Variants in FBLN1 observed in about 807,000 individuals in gnomAD.
The protein encoded by FBLN1 is fibulin 1, also known as fibulin-1.
FBLN1 carries 34 observed loss-of-function variants against 89.7 expected under a neutral mutation model. The observed-to-expected ratio is 0.38, with a 90% confidence interval of 0.29 to 0.50. The LOEUF (loss-of-function observed/expected upper bound fraction) is 0.50. Ranked by LOEUF, FBLN1 falls within the 20% of genes least tolerant of loss-of-function variation. FBLN1 has a pLI of 0.92. For missense variants in FBLN1, 777 were observed against 988.1 expected, an observed-to-expected ratio of 0.79 and a Z score of 2.86; for synonymous variants, 393 against 391.3, an observed-to-expected ratio of 1.00 and a Z score of -0.05.
intron 16 of FBLN1, among the ~76,000 whole-genome samples, chr22:45,595,486 C>T (rs1277551142): frequency 6.6e-6 from 1 of 152,204 alleles, no homozygotes; most frequent in Admixed American, 6.5e-5. Context: ...CTCCCTTCCC[C>T]TTCACAGCAC....
chr22:45,544,421 C>T (rs764216493), intron 11 of FBLN1, among the ~76,000 whole-genome samples: 12 of 152,204 alleles, frequency 7.9e-5, no homozygotes, highest in Non-Finnish European at 1.3e-4. Flanking sequence ...AGGCTTTCCC[C>T]ACCCGCAGAG....
chr22:45,525,768 G>A lies in FBLN1; in HGVS notation c.321+90G>A, dbSNP rs150306228. The A allele has an allele frequency of 1.2e-3, 1,787 of 1,504,998 alleles. 1 individual carries two copies. The highest frequency in any genetic ancestry group is 1.3e-3 in the Non-Finnish European group (1,484 of 1,106,208). 93.2% of individuals were successfully genotyped at this position (1,504,998 alleles called of 1,614,324 possible). The stretch of plus-strand genomic sequence containing the variant: ...CAGCCAAGCGGCACTGTCTGTCAGC[G>A]CTCCCTGCCTCAGGCCACCTTTCTT... On this transcript the variant is annotated intron_variant, in intron 3 of 16. Transcript: ENST00000327858.
rs73886421 is a variant in FBLN1 at position 45,579,671 on chromosome 22, G to A, written c.1972+2563G>A. Reference sequence around the variant, plus strand: ...TGACCTGGTGCCCATGTCATCTCAGGTGGAAGACTGAGACCAGGGAGGCAA... The same window carrying A: ...TGACCTGGTGCCCATGTCATCTCAGATGGAAGACTGAGACCAGGGAGGCAA... On this transcript the variant is annotated intron_variant, in intron 16 of 16. Transcript: ENST00000327858. The surrounding 1 kb of genome is among the most constrained non-coding windows in gnomAD (Gnocchi z 5.5). 0.011 allele frequency among the ~76,000 whole-genome samples: 1,648 copies of A among 152,296 alleles called. 32 individuals are homozygous for A. Among genetic ancestry groups the A allele is most frequent in the African/African-American group, 0.038 (1,566 of 41,548 alleles).
At chr22:45,573,553 C>T (rs1008382490) in intron 14 of FBLN1, among the ~76,000 whole-genome samples, 2 of 149,118 alleles carry the variant, frequency 1.3e-5, no homozygotes, top group African/African-American at 5.0e-5. Flanking sequence ...TGGTGGCATG[C>T]GCCTGTAATC....
chr22:45,599,087 T>C (rs4823307), intron 16 of FBLN1, among the ~76,000 whole-genome samples: 107,011 of 152,136 alleles, frequency 0.7, 38,526 homozygotes, highest in African/African-American at 0.85. Context: ...CCTTACCCGC[T>C]AACCCGGATC....
rs572372877 is a variant in FBLN1 at position 45,528,708 on chromosome 22, A to T, written c.484+699A>T. Among the ~76,000 whole-genome samples the T allele has an allele frequency of 1.2e-4, 18 of 151,962 alleles. No homozygotes were observed. In the South Asian group the frequency reaches 3.7e-3, roughly 32 times the overall value. On this transcript the variant is annotated intron_variant, in intron 4 of 16. Coordinates refer to ENST00000327858, the MANE Select transcript of FBLN1 (RefSeq NM_006486.3). The stretch of plus-strand genomic sequence containing the variant: ...AGGCTAGTGTTTGACTAAATATTTG[A>T]GTACCATACCCCAGCCCAATTGACA...
chr22:45,529,187 C>G (rs1884037151), intron 4 of FBLN1, among the ~76,000 whole-genome samples: 2 of 152,228 alleles, frequency 1.3e-5, no homozygotes, highest in South Asian at 4.1e-4. Context: ...CTTCCACCTC[C>G]TGGCCAGTGC....
Position 45,561,133 on chromosome 22 carries a change from A to T in FBLN1, c.1697+10518A>T, listed in dbSNP as rs1325993295. On this transcript the variant is annotated intron_variant, in intron 14 of 16. Coordinates refer to ENST00000327858, the MANE Select transcript of FBLN1 (RefSeq NM_006486.3). The surrounding 1 kb of genome is among the most constrained non-coding windows in gnomAD (Gnocchi z 4.7). ...AAGTTGCAGGGTCCCATTCTTTTTCAATCAATGCCCTCACTTTAACAGCAG... is the reference window on the plus strand; with the variant it reads ...AAGTTGCAGGGTCCCATTCTTTTTCTATCAATGCCCTCACTTTAACAGCAG... Among the ~76,000 whole-genome samples, 2 of 152,142 alleles carry T rather than the reference A, an allele frequency of 1.3e-5. No individual in the cohort carries two copies. Among genetic ancestry groups the T allele is most frequent in the Non-Finnish European group, 2.9e-5 (2 of 68,026 alleles).
chr22:45,509,110 G>A (rs1018004875), intron 1 of FBLN1, among the ~76,000 whole-genome samples: 2 of 152,118 alleles, frequency 1.3e-5, no homozygotes, highest in Non-Finnish European at 1.5e-5. Context: ...TGAAGCTCCA[G>A]GTTCCAAATG....
chr22:45,563,349 G>T lies in FBLN1; in HGVS notation c.1698-11162G>T. Reference sequence around the variant, plus strand: ...GGGCGTTAATAAAGTCTTAGCAAGCGTCCCACACAGTGAGCCTCGCGTGCC... The same window carrying T: ...GGGCGTTAATAAAGTCTTAGCAAGCTTCCCACACAGTGAGCCTCGCGTGCC... On this transcript the variant is annotated intron_variant, in intron 14 of 16. Transcript: ENST00000327858. The surrounding 1 kb of genome is among the most constrained non-coding windows in gnomAD (Gnocchi z 5.7). 6.3e-7 allele frequency: 1 copy of T among 1,598,024 alleles called. No homozygotes were observed. The highest frequency in any genetic ancestry group is 8.5e-7 in the Non-Finnish European group (1 of 1,175,814).
chr22:45,514,468 G>A (rs1231211975), intron 1 of FBLN1, among the ~76,000 whole-genome samples: 2 of 152,176 alleles, frequency 1.3e-5, no homozygotes, highest in African/African-American at 4.8e-5. Context: ...CAGTTCTGTA[G>A]CCTCAGCCAC....
Position 45,539,420 on chromosome 22 carries a change from C to T in FBLN1, c.923-1809C>T, listed in dbSNP as rs368093085. On this transcript the variant is annotated intron_variant, in intron 8 of 16. Transcript: ENST00000327858. Reference sequence around the variant, plus strand: ...TTTGCCGTGTTGGCCAGGTTGGTCTCGAGCTCTTGACCTCAGGTGATCCAC... The same window carrying T: ...TTTGCCGTGTTGGCCAGGTTGGTCTTGAGCTCTTGACCTCAGGTGATCCAC... Among the ~76,000 whole-genome samples, 18 of 152,038 alleles carry T rather than the reference C, an allele frequency of 1.2e-4. 1 individual carries two copies. Among genetic ancestry groups the T allele is most frequent in the Middle Eastern group, 6.8e-3 (2 of 294 alleles).
Position 45,600,831 on chromosome 22 carries a change from A to AT in FBLN1, c.*385_*386insT. 3.5e-6 allele frequency: 1 copy of AT among 286,046 alleles called. No homozygotes were observed. Among genetic ancestry groups the AT allele is most frequent in the Non-Finnish European group, 6.7e-6 (1 of 149,904 alleles). The allele number at this position is 286,046 out of a possible 1,614,324, so 17.7% of individuals were successfully genotyped here. A position where few individuals can be genotyped will look rare whatever the true frequency, so the allele number is the denominator to read the frequency against. On this transcript the variant is annotated 3_prime_UTR_variant, in exon 17 of 17. Transcript: ENST00000327858. ...ATTGTATGAAATTTGACATTTTGGC[A>AT]CTTTTTTTTTTTTTTTGGCCAATCA...
At position 45,523,308 on chromosome 22, in the gene FBLN1, A is replaced by G. The variant is rs1407721946; in HGVS notation, c.186-2235A>G. ...GGGTAACCAGGTGGCTGAGGGGGCCATGAGATAGAGGCTGGGGTGTTGGGG... is the reference window on the plus strand; with the variant it reads ...GGGTAACCAGGTGGCTGAGGGGGCCGTGAGATAGAGGCTGGGGTGTTGGGG... On this transcript the variant is annotated intron_variant, in intron 2 of 16. Transcript: ENST00000327858. 5.1e-6 allele frequency: 3 copies of G among 591,608 alleles called. No individual in the cohort carries two copies. In the Admixed American group the frequency reaches 7.7e-5, roughly 15 times the overall value. The allele number at this position is 591,608 out of a possible 1,614,324, so 36.6% of individuals were successfully genotyped here.
Position 45,534,292 on chromosome 22 carries a change from CAAAAAAAAAAAA to C in FBLN1, c.784+411_784+422del, listed in dbSNP as rs136746. Among the ~76,000 whole-genome samples, 461 of 83,244 alleles carry C rather than the reference CAAAAAAAAAAAA, an allele frequency of 5.5e-3. 4 individuals are homozygous for C. Among genetic ancestry groups the C allele is most frequent in the African/African-American group, 0.021 (435 of 21,032 alleles). 54.6% of individuals were successfully genotyped at this position (83,244 alleles called of 152,430 possible). Reference sequence around the variant, plus strand: ...TTCAGGTTCTCACATGTACTTTCTACAAAAAAAAAAAAAAAAAAAAAAAAAAAAGCAAAAACA... The same window carrying C: ...TTCAGGTTCTCACATGTACTTTCTACAAAAAAAAAAAAAAAAGCAAAAACA... On this transcript the variant is annotated intron_variant, in intron 7 of 16. Transcript: ENST00000327858.
In FBLN1 at chr22:45,532,186, T is replaced by A. The variant is rs6007081; in HGVS notation, c.544+862T>A. 6.6e-6 allele frequency among the ~76,000 whole-genome samples: 1 copy of A among 151,928 alleles called. No homozygotes were observed. The highest frequency in any genetic ancestry group is 2.4e-5 in the African/African-American group (1 of 41,300). On this transcript the variant is annotated intron_variant, in intron 5 of 16. Coordinates refer to ENST00000327858, the MANE Select transcript of FBLN1 (RefSeq NM_006486.3). The surrounding 1 kb of genome is among the most constrained non-coding windows in gnomAD (Gnocchi z 4.2). ...ACAGTGACAGTTGGTCCAGGGGCGC[T>A]GTCCAGGGGCCTGGTGGAGGGAGGA...
intron 3 of FBLN1, among the ~76,000 whole-genome samples, chr22:45,527,639 C>T (rs2088346762): frequency 6.6e-6 from 1 of 152,084 alleles, no homozygotes; most frequent in Non-Finnish European, 1.5e-5. Context: ...CCTTTCAAAA[C>T]TGGGACCTAG....
At chr22:45,567,938 C>T (rs1165228961) in intron 14 of FBLN1, among the ~76,000 whole-genome samples, 3 of 152,118 alleles carry the variant, frequency 2.0e-5, no homozygotes, top group Admixed American at 2.0e-4. Context: ...CCAGAGTGTG[C>T]ACAGAGCCAG....
intron 14 of FBLN1, among the ~76,000 whole-genome samples, chr22:45,552,240 T>C (rs1196134870): frequency 6.6e-6 from 1 of 152,174 alleles, no homozygotes; most frequent in Non-Finnish European, 1.5e-5. Context: ...CAGGGGGCTG[T>C]CTGGAGTGGG....
Sources: allele counts gnomAD v4.1 joint callset (sites outside exome capture counted in the v4.1 genomes callset), GRCh38; gene constraint gnomAD v4.1.1; non-coding constraint Gnocchi (gnomAD v3.1); transcripts MANE v1.5; gene names NCBI Gene and HGNC (gene_info 2026-07-23, HGNC 2026-07-21).